Variants in TMEM132B observed in about 807,000 individuals in gnomAD.
The protein encoded by TMEM132B is transmembrane protein 132B.
TMEM132B carries 18 observed loss-of-function variants against 90.8 expected under a neutral mutation model. That is an observed-to-expected ratio of 0.20 (90% CI 0.14 to 0.29). TMEM132B has a LOEUF of 0.29. Among genes scored for constraint, TMEM132B ranks in the 10% least tolerant of loss-of-function variants. The pLI is 1.00. For synonymous variants in TMEM132B, 504 were observed against 523.3 expected, an observed-to-expected ratio of 0.96 and a Z score of 0.50; for missense variants, 1,096 against 1,326.8, an observed-to-expected ratio of 0.83 and a Z score of 2.70.
At chr12:125,615,995 G>A (rs1416906088) in intron 5 of TMEM132B, among the ~76,000 whole-genome samples, 1 of 152,018 alleles carries the variant, frequency 6.6e-6, no homozygotes, top group Non-Finnish European at 1.5e-5. Flanking sequence ...ACAACATGCA[G>A]GTTACATATG....
At chr12:125,571,911 A>G (rs61527316) in intron 4 of TMEM132B, among the ~76,000 whole-genome samples, 3,670 of 152,316 alleles carry the variant, frequency 0.024, 157 homozygotes, top group African/African-American at 0.085. Flanking sequence ...TATTGCACTA[A>G]TATCCTTTAT....
chr12:125,449,466 G>A (rs1881093070), intron 3 of TMEM132B, among the ~76,000 whole-genome samples: 1 of 151,876 alleles, frequency 6.6e-6, no homozygotes, highest in South Asian at 2.1e-4. Flanking sequence ...TCTATTTTCT[G>A]TTTTATTCTT....
intron 1 of TMEM132B, among the ~76,000 whole-genome samples, chr12:125,335,158 A>G (rs893775460): frequency 1.3e-5 from 2 of 152,170 alleles, no homozygotes; most frequent in Non-Finnish European, 2.9e-5. Context: ...AATTGCTCAA[A>G]TGTCTGGTTT....
At chr12:125,583,670 G>A (rs1885110139) in intron 4 of TMEM132B, among the ~76,000 whole-genome samples, 181 bp from the exon 5 acceptor site, 1 of 152,134 alleles carries the variant, frequency 6.6e-6, no homozygotes, top group South Asian at 2.1e-4. Context: ...ATCTCAGTCT[G>A]GGATGAAACA....
chr12:125,376,306 T>C (rs1878479683), intron 2 of TMEM132B, among the ~76,000 whole-genome samples: 1 of 152,262 alleles, frequency 6.6e-6, no homozygotes, highest in Admixed American at 6.5e-5. Flanking sequence ...AGTGCTGATA[T>C]ATTGCTTCCT....
intron 3 of TMEM132B, among the ~76,000 whole-genome samples, chr12:125,479,060 C>T (rs986059402): frequency 2.0e-5 from 3 of 152,154 alleles, no homozygotes; most frequent in African/African-American, 4.8e-5. Flanking sequence ...CAAACAAATG[C>T]TGAGAGATTT....
Position 125,654,739 on chromosome 12 carries a change from T to C in TMEM132B, c.*29T>C. 1 of 1,587,004 alleles carries C rather than the reference T, an allele frequency of 6.3e-7. No homozygotes were observed. Among genetic ancestry groups the C allele is most frequent in the Non-Finnish European group, 8.6e-7 (1 of 1,166,540 alleles). On this transcript the variant is annotated 3_prime_UTR_variant, in exon 9 of 9. Transcript: ENST00000682704. This position sits in a 1 kb window ranked among gnomAD's most constrained non-coding sequence, Gnocchi z 5.8. ...CCTTTCTTATGTTTGTATTCACCTT[T>C]ATGCCTTCTGTTTTTTGAATGCTGG...
intron 1 of TMEM132B, among the ~76,000 whole-genome samples, chr12:125,226,386 C>A (rs11058075): frequency 0.036 from 5,466 of 152,314 alleles, 127 homozygotes; most frequent in Non-Finnish European, 0.049. Flanking sequence ...CTACTTGCTA[C>A]CATCTCTTGA....
At chr12:125,454,787 G>T (rs754509004) in intron 3 of TMEM132B, among the ~76,000 whole-genome samples, 1 of 152,168 alleles carries the variant, frequency 6.6e-6, no homozygotes, top group Non-Finnish European at 1.5e-5. Context: ...TGGATATGAT[G>T]CCTCGCTTGA....
intron 4 of TMEM132B, among the ~76,000 whole-genome samples, chr12:125,533,757 T>G (rs903622862): frequency 2.6e-5 from 4 of 152,186 alleles, no homozygotes; most frequent in African/African-American, 9.7e-5. Context: ...ATTCCCGATT[T>G]CCCTGAGTGT....
rs147240245 is a variant in TMEM132B, at chr12:125,525,460, T to C, written c.1293+5835T>C. 1.7e-3 allele frequency among the ~76,000 whole-genome samples: 253 copies of C among 152,328 alleles called. 1 individual carries two copies. The highest frequency in any genetic ancestry group is 5.7e-3 in the African/African-American group (237 of 41,574). On this transcript the variant is annotated intron_variant, in intron 4 of 8. Coordinates refer to ENST00000682704, the MANE Select transcript of TMEM132B (RefSeq NM_001366854.1). ...GCCCCTGTGCCTGTCCCTTCCGCCA[T>C]GCGAGGACATGGTGTTTCGTCCTCC...
rs184276725 is a variant in TMEM132B at position 125,207,079 on chromosome 12, G to A, written c.67+20213G>A. Reference sequence around the variant, plus strand: ...ACCACTGGTTATCAACCAGCATCTCGTGGCACATACAGCCCAGGGCATATC... The same window carrying A: ...ACCACTGGTTATCAACCAGCATCTCATGGCACATACAGCCCAGGGCATATC... On this transcript the variant is annotated intron_variant, in intron 1 of 8. Coordinates refer to ENST00000682704, the MANE Select transcript of TMEM132B (RefSeq NM_001366854.1). Among the ~76,000 whole-genome samples the A allele has an allele frequency of 2.2e-3, 338 of 152,308 alleles. 4 individuals are homozygous for A. The highest frequency in any genetic ancestry group is 7.7e-3 in the African/African-American group (322 of 41,570).
intron 1 of TMEM132B, among the ~76,000 whole-genome samples, chr12:125,308,917 C>T (rs904486129): frequency 1.3e-5 from 2 of 152,040 alleles, no homozygotes; most frequent in East Asian, 3.8e-4. Context: ...ATATATTATT[C>T]TTGTGCATTT....
intron 1 of TMEM132B, among the ~76,000 whole-genome samples, chr12:125,331,779 G>A (rs1176135711): frequency 6.6e-6 from 1 of 152,142 alleles, no homozygotes; most frequent in Non-Finnish European, 1.5e-5. Flanking sequence ...TTGGAGATGC[G>A]GTGTTGCTCT....
At position 125,273,878 on chromosome 12, in the gene TMEM132B, G is replaced by GAAACCCA. The variant is rs1874915980; in HGVS notation, c.68-75574_68-75573insAAACCCA. ...GGGGTTTCACCATGTTGGTCAGTCT[G>GAAACCCA]GTCTTGAACTTCTGACCTCAGGTGA... is the stretch of plus-strand genomic sequence containing the variant. On this transcript the variant is annotated intron_variant, in intron 1 of 8. Transcript: ENST00000682704. Among the ~76,000 whole-genome samples, 3 of 152,124 alleles carry GAAACCCA rather than the reference G, an allele frequency of 2.0e-5. No individual in the cohort carries two copies. In the South Asian group the frequency reaches 6.2e-4, roughly 32 times the overall value.
intron 4 of TMEM132B, among the ~76,000 whole-genome samples, chr12:125,569,925 A>C (rs1884750055): frequency 1.3e-5 from 2 of 152,024 alleles, no homozygotes. Flanking sequence ...TTCATTACTC[A>C]TATCTGGACC....
intron 2 of TMEM132B, 45 bp downstream of exon 2, chr12:125,350,388 G>T (rs757013485): frequency 1.3e-6 from 2 of 1,542,766 alleles, no homozygotes; most frequent in African/African-American, 2.8e-5. Context: ...CCAACTCTTA[G>T]TAATCAATGA....
At chr12:125,188,524 G>T (rs1316981219) in intron 1 of TMEM132B, among the ~76,000 whole-genome samples, 1 of 151,780 alleles carries the variant, frequency 6.6e-6, no homozygotes. Flanking sequence ...AGAATAGGAT[G>T]GTCCCCCTAC....
intron 5 of TMEM132B, among the ~76,000 whole-genome samples, chr12:125,612,092 G>A (rs1885843437): frequency 6.6e-6 from 1 of 151,858 alleles, no homozygotes; most frequent in Non-Finnish European, 1.5e-5. Context: ...CTGTTTTTTG[G>A]TGAACATATA....
Sources: allele counts gnomAD v4.1 joint callset (sites outside exome capture counted in the v4.1 genomes callset), GRCh38; gene constraint gnomAD v4.1.1; non-coding constraint Gnocchi (gnomAD v3.1); transcripts MANE v1.5; gene names NCBI Gene and HGNC (gene_info 2026-07-23, HGNC 2026-07-21).